VPS41: variants seen among roughly 807,000 people sequenced by gnomAD.
VPS41 encodes VPS41 subunit of HOPS complex.
In VPS41, 85 loss-of-function variants were observed where a neutral mutation model predicts 130.9. The ratio of observed to expected loss-of-function variants is 0.65; its 90% CI spans 0.55 to 0.78. VPS41 has a LOEUF of 0.78. VPS41 is among the 30% of genes least tolerant of loss of function. The pLI, the probability that VPS41 is intolerant of heterozygous loss-of-function variation, is 0.00. For synonymous variants in VPS41, 335 were observed against 332.9 expected (o/e 1.01, Z -0.07); for missense variants, 874 against 1,018.7 (o/e 0.86, Z 1.93).
intron 7 of VPS41, among the ~76,000 whole-genome samples, chr7:38,801,047 G>A (rs1396780055): frequency 2.0e-5 from 3 of 152,210 alleles, no homozygotes; most frequent in Non-Finnish European, 4.4e-5. Flanking sequence ...TATACTTGGT[G>A]TGCTCCGAGC....
intron 4 of VPS41, among the ~76,000 whole-genome samples, chr7:38,861,975 G>A (rs1461691088): frequency 2.6e-5 from 4 of 152,104 alleles, no homozygotes; most frequent in Non-Finnish European, 4.4e-5. Context: ...GAGAGAAACC[G>A]ATCCAGCAAG....
intron 2 of VPS41, among the ~76,000 whole-genome samples, chr7:38,879,316 G>A (rs1158399665): frequency 6.6e-6 from 1 of 152,236 alleles, no homozygotes; most frequent in East Asian, 1.9e-4. Flanking sequence ...AGCCTCACAG[G>A]GGTGAGGACT....
chr7:38,907,868 T>G (rs569191900), intron 1 of VPS41, among the ~76,000 whole-genome samples: 1 of 152,336 alleles, frequency 6.6e-6, no homozygotes, highest in East Asian at 1.9e-4. Context: ...AAAAACAATC[T>G]CACCCTTATT....
intron 10 of VPS41, among the ~76,000 whole-genome samples, 185 bp from the exon 11 acceptor site, chr7:38,776,961 G>T (rs1347535384): frequency 6.6e-6 from 1 of 152,140 alleles, no homozygotes; most frequent in African/African-American, 2.4e-5. Flanking sequence ...TCCTGGAAAC[G>T]AATATGTGGG....
rs1356687446 is a variant in VPS41 at position 38,726,044 on chromosome 7, T to C, written c.*202A>G. On this transcript the variant is annotated 3_prime_UTR_variant, in exon 29 of 29. Transcript: ENST00000310301. ...AAATATTCACTATGGACCCCAAAATTTCAAGGCATGAAGAGAGCCCCAAAT... is the reference window on the plus strand; with the variant it reads ...AAATATTCACTATGGACCCCAAAATCTCAAGGCATGAAGAGAGCCCCAAAT... 1.9e-6 allele frequency: 1 copy of C among 531,872 alleles called. No individual in the cohort carries two copies. Among genetic ancestry groups the C allele is most frequent in the African/African-American group, 1.9e-5 (1 of 52,592 alleles). The allele number at this position is 531,872 out of a possible 1,614,324, so 32.9% of individuals were successfully genotyped here.
chr7:38,844,143 T>C (rs1318980317), intron 4 of VPS41, among the ~76,000 whole-genome samples: 1 of 152,240 alleles, frequency 6.6e-6, no homozygotes, highest in African/African-American at 2.4e-5. Context: ...ATGATGACTG[T>C]TATACTCCTA....
chr7:38,854,836 C>T (rs1016370913), intron 4 of VPS41, among the ~76,000 whole-genome samples: 4 of 109,056 alleles, frequency 3.7e-5, no homozygotes, highest in African/African-American at 1.2e-4. Context: ...AAGTACCGTA[C>T]GTTCAAGAAG....
At chr7:38,895,535 T>A (rs988014731) in intron 2 of VPS41, among the ~76,000 whole-genome samples, 3 of 152,172 alleles carry the variant, frequency 2.0e-5, no homozygotes, top group Admixed American at 1.3e-4. Context: ...TGTCTTGGAT[T>A]TTCCTGGATA....
chr7:38,759,758 A>C (rs1783874878), intron 17 of VPS41, among the ~76,000 whole-genome samples: 2 of 152,102 alleles, frequency 1.3e-5, no homozygotes, highest in South Asian at 4.2e-4. Flanking sequence ...CAGCTTACAG[A>C]TATTACCCAA....
intron 17 of VPS41, among the ~76,000 whole-genome samples, chr7:38,761,174 T>G (rs1783902848): frequency 6.6e-6 from 1 of 151,456 alleles, no homozygotes; most frequent in Non-Finnish European, 1.5e-5. Flanking sequence ...TTGTCTTTCC[T>G]TCCTTGTCCT....
intron 21 of VPS41, among the ~76,000 whole-genome samples, chr7:38,753,000 C>G (rs1429372495): frequency 1.3e-5 from 2 of 152,150 alleles, no homozygotes; most frequent in Non-Finnish European, 2.9e-5. Context: ...CTTACCTTAG[C>G]TGTCTGAAAA....
intron 6 of VPS41, among the ~76,000 whole-genome samples, chr7:38,820,995 T>C (rs1406547383): frequency 1.3e-5 from 2 of 151,868 alleles, no homozygotes; most frequent in Non-Finnish European, 2.9e-5. Context: ...TATAATAAAA[T>C]ACCCCTGAAG....
intron 21 of VPS41, 114 bp downstream of exon 21, chr7:38,754,588 G>T: frequency 1.2e-6 from 1 of 809,526 alleles, no homozygotes; most frequent in Non-Finnish European, 2.0e-6. Context: ...ACCTCCAACT[G>T]GAATATTAAC....
chr7:38,899,030 C>T (rs539379946), intron 1 of VPS41, among the ~76,000 whole-genome samples: 27 of 152,070 alleles, frequency 1.8e-4, no homozygotes, highest in Non-Finnish European at 3.7e-4. Context: ...TAAGGAAGAT[C>T]GATGCATATA....
intron 4 of VPS41, among the ~76,000 whole-genome samples, chr7:38,840,182 CT>C (rs1241204684): frequency 6.6e-6 from 1 of 152,222 alleles, no homozygotes; most frequent in African/African-American, 2.4e-5. Flanking sequence ...TTCCTTCCAA[CT>C]TTCTTTTCCC....
intron 7 of VPS41, among the ~76,000 whole-genome samples, chr7:38,807,354 G>A (rs907727331): frequency 1.3e-5 from 2 of 152,068 alleles, no homozygotes; most frequent in African/African-American, 4.8e-5. Flanking sequence ...CAAATATCAA[G>A]AAAATTGGCT....
At chr7:38,837,909 T>C (rs1785529676) in intron 4 of VPS41, among the ~76,000 whole-genome samples, 1 of 152,210 alleles carries the variant, frequency 6.6e-6, no homozygotes, top group Non-Finnish European at 1.5e-5. Context: ...AGTTTTAATA[T>C]ATGGCAAGGT....
At chr7:38,887,421 G>A (rs1786758277) in intron 2 of VPS41, among the ~76,000 whole-genome samples, 1 of 152,144 alleles carries the variant, frequency 6.6e-6, no homozygotes, top group African/African-American at 2.4e-5. Flanking sequence ...CTGGAAGAAA[G>A]GATATCAGTG....
rs1484885749 is a variant in VPS41, at chr7:38,725,499, A to C, written c.*747T>G. 1 of 152,238 alleles carries C rather than the reference A, an allele frequency of 6.6e-6. No individual in the cohort carries two copies. The highest frequency in any genetic ancestry group is 2.4e-5 in the African/African-American group (1 of 41,446). 9.4% of individuals were successfully genotyped at this position (152,238 alleles called of 1,614,324 possible). The stretch of plus-strand genomic sequence containing the variant: ...GTTGAACTCTCTTTTCTTCCTTACA[A>C]GGGTGCCAGAATTCTTAACTGCATT... On this transcript the variant is annotated 3_prime_UTR_variant, in exon 29 of 29. Transcript: ENST00000310301.
Sources: allele counts gnomAD v4.1 joint callset (sites outside exome capture counted in the v4.1 genomes callset), GRCh38; gene constraint gnomAD v4.1.1; transcripts MANE v1.5; gene names NCBI Gene and HGNC (gene_info 2026-07-23, HGNC 2026-07-21).